Variants in RPL39L observed in about 807,000 individuals in gnomAD.
RPL39L encodes ribosomal protein eL39-like 2.
For synonymous variants in RPL39L, 16 were observed against 20.1 expected, an observed-to-expected ratio of 0.80 and a Z score of 0.55; for missense variants, 48 against 58.9, an observed-to-expected ratio of 0.81 and a Z score of 0.61.
At chr3:187,127,175 A>G (rs1224934193) in intron 2 of RPL39L, among the ~76,000 whole-genome samples, 1 of 152,238 alleles carries the variant, frequency 6.6e-6, no homozygotes. Flanking sequence ...AGAGATCATT[A>G]GAAACTCTAG....
At chr3:187,138,505 G>C (rs933946423) in intron 1 of RPL39L, among the ~76,000 whole-genome samples, 1 of 152,238 alleles carries the variant, frequency 6.6e-6, no homozygotes, top group African/African-American at 2.4e-5. Context: ...TGGAGGAAAA[G>C]AAAGTGTTTG....
chr3:187,125,395 C>T (rs1322186510), intron 2 of RPL39L, among the ~76,000 whole-genome samples: 2 of 152,032 alleles, frequency 1.3e-5, no homozygotes, highest in East Asian at 1.9e-4. Flanking sequence ...CCATAACTTG[C>T]CTTGTAACTT....
intron 1 of RPL39L, among the ~76,000 whole-genome samples, chr3:187,136,508 C>G (rs779877651): frequency 6.6e-5 from 10 of 152,330 alleles, no homozygotes; most frequent in Non-Finnish European, 1.3e-4. Context: ...CCTAGACCAT[C>G]TGTAATTAGG....
At chr3:187,135,781 T>A (rs965181444) in intron 1 of RPL39L, among the ~76,000 whole-genome samples, 1 of 152,260 alleles carries the variant, frequency 6.6e-6, no homozygotes. Flanking sequence ...GGGCAACTTA[T>A]AACGAGTTTT....
chr3:187,122,456 C>CT (rs373610190), intron 2 of RPL39L, among the ~76,000 whole-genome samples: 72 of 152,154 alleles, frequency 4.7e-4, no homozygotes, highest in Admixed American at 1.4e-3. Flanking sequence ...TTCTGACTGT[C>CT]TGAGTTCACA....
chr3:187,121,784 T>C (rs1180044284), intron 2 of RPL39L, among the ~76,000 whole-genome samples: 1 of 152,230 alleles, frequency 6.6e-6, no homozygotes, highest in Non-Finnish European at 1.5e-5. Context: ...AGCCTTCCAG[T>C]TAAGACAGAT....
chr3:187,121,847 T>G (rs926834252), intron 2 of RPL39L, among the ~76,000 whole-genome samples: 2 of 152,234 alleles, frequency 1.3e-5, no homozygotes, highest in Non-Finnish European at 2.9e-5. Context: ...GATATTATTT[T>G]GTAACTACAA....
intron 1 of RPL39L, among the ~76,000 whole-genome samples, chr3:187,138,874 A>T (rs1458064369): frequency 1.3e-5 from 2 of 152,106 alleles, no homozygotes; most frequent in East Asian, 3.9e-4. Context: ...GGTGTGACCA[A>T]TATGGTGAAA....
chr3:187,130,405 T>TACGACCCTA (rs1401156350), intron 1 of RPL39L, among the ~76,000 whole-genome samples: 13 of 151,852 alleles, frequency 8.6e-5, no homozygotes, highest in African/African-American at 2.7e-4. Context: ...TAGTGGGAGG[T>TACGACCCTA]GTTTGGGTCG....
intron 1 of RPL39L, among the ~76,000 whole-genome samples, chr3:187,133,676 T>TG (rs1720523389): frequency 1.3e-5 from 2 of 151,698 alleles, no homozygotes. Context: ...ACAAGCAGGG[T>TG]GAAAGGCAAA....
Position 187,137,585 on chromosome 3 carries a change from G to T in RPL39L, c.-93+1628C>A, listed in dbSNP as rs1001422055. On this transcript the variant is annotated intron_variant, in intron 1 of 2. Transcript: ENST00000296277. The stretch of plus-strand genomic sequence containing the variant: ...CCCAGCACTTTGGGAGGCTGATGCG[G>T]GCAGATCATCTGAGGTCAGGAATTC... 2.0e-5 allele frequency among the ~76,000 whole-genome samples: 3 copies of T among 151,916 alleles called. No homozygotes were observed. The South Asian group carries it at 6.2e-4, about 32-fold the overall frequency.
At chr3:187,126,313 C>T (rs1720396994) in intron 2 of RPL39L, among the ~76,000 whole-genome samples, 1 of 151,982 alleles carries the variant, frequency 6.6e-6, no homozygotes, top group Non-Finnish European at 1.5e-5. Flanking sequence ...AGGCGCCTGC[C>T]ACTACACCCG....
chr3:187,137,738 G>A (rs1720608853), intron 1 of RPL39L, among the ~76,000 whole-genome samples: 1 of 150,270 alleles, frequency 6.7e-6, no homozygotes, highest in South Asian at 2.1e-4. Flanking sequence ...TGAGACGGGA[G>A]AATCACTTGA....
At chr3:187,129,241 G>T (rs771876490) in intron 1 of RPL39L, among the ~76,000 whole-genome samples, 8 of 152,186 alleles carry the variant, frequency 5.3e-5, no homozygotes, top group Non-Finnish European at 1.2e-4. Flanking sequence ...TCCTGAGCAG[G>T]TAGAACAACG....
intron 1 of RPL39L, among the ~76,000 whole-genome samples, chr3:187,129,843 C>CTTT (rs59449021): frequency 0.01 from 1,488 of 143,302 alleles, 33 homozygotes; most frequent in African/African-American, 0.036. Context: ...CCCCTCCACC[C>CTTT]TTTTTTTTTT....
At chr3:187,129,843 C>CTT (rs59449021) in intron 1 of RPL39L, among the ~76,000 whole-genome samples, 2,348 of 143,290 alleles carry the variant, frequency 0.016, 65 homozygotes, top group African/African-American at 0.057. Flanking sequence ...CCCCTCCACC[C>CTT]TTTTTTTTTT....
chr3:187,137,067 C>A (rs572040741), intron 1 of RPL39L, among the ~76,000 whole-genome samples: 1 of 151,696 alleles, frequency 6.6e-6, no homozygotes, highest in African/African-American at 2.4e-5. Flanking sequence ...ATTAGCTGGG[C>A]ATGGTGGTGC....
intron 1 of RPL39L, among the ~76,000 whole-genome samples, chr3:187,136,294 G>C (rs141316176): frequency 1.1e-4 from 17 of 152,350 alleles, no homozygotes; most frequent in African/African-American, 3.6e-4. Context: ...TGCAGTGCCA[G>C]AGTTTGTAAC....
intron 1 of RPL39L, among the ~76,000 whole-genome samples, chr3:187,132,134 GAAATA>G (rs981180327): frequency 2.0e-5 from 3 of 152,088 alleles, no homozygotes; most frequent in African/African-American, 7.2e-5. Flanking sequence ...CACAATATCT[GAAATA>G]AAATAACACA....
Sources: allele counts gnomAD v4.1 joint callset (sites outside exome capture counted in the v4.1 genomes callset), GRCh38; gene constraint gnomAD v4.1.1; transcripts MANE v1.5; gene names NCBI Gene and HGNC (gene_info 2026-07-23, HGNC 2026-07-21).